Variants in ITGA9 observed in about 807,000 individuals in gnomAD.
The protein encoded by ITGA9 is integrin alpha-9.
A neutral mutation model predicts 127.8 loss-of-function variants in ITGA9; 56 were observed. The ratio of observed to expected loss-of-function variants is 0.44; its 90% CI spans 0.35 to 0.55. ITGA9 has a LOEUF of 0.55. Among genes scored for constraint, ITGA9 ranks in the 20% least tolerant of loss-of-function variants. The pLI, the probability that ITGA9 is intolerant of heterozygous loss-of-function variation, is 0.00. For synonymous variants in ITGA9, 508 were observed against 514.5 expected (o/e 0.99, Z 0.17); for missense variants, 1,196 against 1,347.1 (o/e 0.89, Z 1.76).
intron 26 of ITGA9, among the ~76,000 whole-genome samples, chr3:37,793,234 C>G (rs1175221892): frequency 6.6e-6 from 1 of 151,990 alleles, no homozygotes; most frequent in Non-Finnish European, 1.5e-5. Flanking sequence ...CTCACTGGAC[C>G]CGTGGGCTCT....
chr3:37,530,365 C>T (rs975793511), intron 13 of ITGA9, among the ~76,000 whole-genome samples: 2 of 152,178 alleles, frequency 1.3e-5, no homozygotes, highest in African/African-American at 4.8e-5. Context: ...TGCAAGCACA[C>T]ATAGATATAT....
chr3:37,518,771 C>CTTTTTTTTTTTTTTTTTTT (rs543297344), intron 10 of ITGA9, among the ~76,000 whole-genome samples: 1 of 43,514 alleles, frequency 2.3e-5, no homozygotes, highest in Non-Finnish European at 4.1e-5. Flanking sequence ...TTTCACTGTA[C>CTTTTTTTTTTTTTTTTTTT]TTTTTTTTTT....
At chr3:37,648,803 A>G (rs1442974594) in intron 16 of ITGA9, among the ~76,000 whole-genome samples, 4 of 152,218 alleles carry the variant, frequency 2.6e-5, no homozygotes, top group Non-Finnish European at 4.4e-5. Flanking sequence ...CTATATTACT[A>G]TAAAGGTGAT....
At chr3:37,531,793 C>A (rs1222440668) in intron 13 of ITGA9, among the ~76,000 whole-genome samples, 1 of 152,200 alleles carries the variant, frequency 6.6e-6, no homozygotes, top group Non-Finnish European at 1.5e-5. Context: ...GATGAATTCA[C>A]CGGATCCCAG....
intron 17 of ITGA9, among the ~76,000 whole-genome samples, chr3:37,678,801 T>C (rs1358902805): frequency 1.3e-5 from 2 of 152,252 alleles, no homozygotes; most frequent in Non-Finnish European, 2.9e-5. Context: ...TATGGAAATG[T>C]ATTGCATTTA....
chr3:37,494,719 C>T, intron 5 of ITGA9, 151 bp downstream of exon 5: 2 of 721,916 alleles, frequency 2.8e-6, no homozygotes, highest in South Asian at 3.1e-5. Flanking sequence ...CCAGAGGAGG[C>T]TATTTCTACC....
intron 18 of ITGA9, among the ~76,000 whole-genome samples, chr3:37,717,357 T>C (rs937093755): frequency 6.6e-6 from 1 of 152,228 alleles, no homozygotes; most frequent in African/African-American, 2.4e-5. Flanking sequence ...GTGTTTTTTG[T>C]TACTGTCATT....
intron 23 of ITGA9, among the ~76,000 whole-genome samples, chr3:37,771,794 T>C (rs144825821): frequency 5.6e-4 from 85 of 152,210 alleles, no homozygotes; most frequent in African/African-American, 1.9e-3. Flanking sequence ...TCCCATGGTC[T>C]AGGCAGGAGT....
intron 15 of ITGA9, among the ~76,000 whole-genome samples, chr3:37,577,285 G>C (rs772018184): frequency 6.6e-6 from 1 of 152,256 alleles, no homozygotes; most frequent in Non-Finnish European, 1.5e-5. Context: ...AATGCCTTGA[G>C]CCTCAGTTAA....
At chr3:37,544,970 A>C (rs1423862138) in intron 15 of ITGA9, among the ~76,000 whole-genome samples, 1 of 152,274 alleles carries the variant, frequency 6.6e-6, no homozygotes, top group Non-Finnish European at 1.5e-5. Context: ...GTGCACCCGT[A>C]GGATGAGTGC....
At chr3:37,476,725 A>C (rs1232960138) in intron 3 of ITGA9, among the ~76,000 whole-genome samples, 2 of 152,152 alleles carry the variant, frequency 1.3e-5, no homozygotes, top group African/African-American at 4.8e-5. Context: ...CAAGCTGAGC[A>C]TCTTTTGTGT....
intron 26 of ITGA9, among the ~76,000 whole-genome samples, chr3:37,793,389 A>AACACACACAC (rs10575371): frequency 1.9e-4 from 26 of 134,564 alleles, no homozygotes; most frequent in Non-Finnish European, 3.0e-4. Context: ...CAAACAGGTC[A>AACACACACAC]ACACACACAC....
intron 11 of ITGA9, among the ~76,000 whole-genome samples, chr3:37,521,295 A>G (rs1378110883): frequency 1.3e-5 from 2 of 152,030 alleles, no homozygotes; most frequent in Admixed American, 1.3e-4. Flanking sequence ...ATCAGAAACA[A>G]CTCTGGGCAA....
chr3:37,521,220 G>A (rs1699041175), intron 11 of ITGA9, among the ~76,000 whole-genome samples: 1 of 152,202 alleles, frequency 6.6e-6, no homozygotes, highest in Non-Finnish European at 1.5e-5. Context: ...ATTCTTTAAT[G>A]GCAGATTCTT....
chr3:37,453,125 C>A (rs938579383), intron 1 of ITGA9, among the ~76,000 whole-genome samples: 2 of 151,148 alleles, frequency 1.3e-5, no homozygotes, highest in African/African-American at 2.4e-5. Flanking sequence ...GCCCCCCCCC[C>A]CCCCCAGCTC....
At chr3:37,680,763 T>C (rs2125661280) in intron 17 of ITGA9, among the ~76,000 whole-genome samples, 1 of 152,332 alleles carries the variant, frequency 6.6e-6, no homozygotes, top group East Asian at 1.9e-4. Context: ...CTCTCATAAC[T>C]CAAGCCTGAG....
chr3:37,496,257 T>C (rs564848257), intron 5 of ITGA9, among the ~76,000 whole-genome samples: 1 of 152,286 alleles, frequency 6.6e-6, no homozygotes, highest in East Asian at 1.9e-4. Flanking sequence ...GATGCTACCC[T>C]CCAACCCCCA....
intron 18 of ITGA9, among the ~76,000 whole-genome samples, chr3:37,721,655 A>G (rs887326645): frequency 2.0e-5 from 3 of 152,186 alleles, no homozygotes; most frequent in African/African-American, 7.2e-5. Context: ...CCCCAAGTGC[A>G]TGGGTAATCA....
chr3:37,706,969 T>G (rs961510376), intron 18 of ITGA9, among the ~76,000 whole-genome samples: 5 of 152,204 alleles, frequency 3.3e-5, no homozygotes, highest in Non-Finnish European at 1.5e-5. Flanking sequence ...GGGGTGGGGC[T>G]TCAATCTAGA....
Sources: allele counts gnomAD v4.1 joint callset (sites outside exome capture counted in the v4.1 genomes callset), GRCh38; gene constraint gnomAD v4.1.1; transcripts MANE v1.5; gene names NCBI Gene and HGNC (gene_info 2026-07-23, HGNC 2026-07-21).